The following SYT9 variants were observed in gnomAD, a reference collection of about 807,000 sequenced individuals.
The protein encoded by SYT9 is synaptotagmin 9.
Under a neutral mutation model 48.4 loss-of-function variants are expected in SYT9, and 22 were observed. That is an observed-to-expected ratio of 0.45 (90% CI 0.32 to 0.65). SYT9 has a LOEUF of 0.65. Ranked by LOEUF, SYT9 falls within the 30% of genes least tolerant of loss-of-function variation. The pLI is 0.03. For synonymous variants in SYT9, 265 were observed against 245.0 expected, an observed-to-expected ratio of 1.08 and a Z score of -0.76; for missense variants, 577 against 622.0, an observed-to-expected ratio of 0.93 and a Z score of 0.77.
At chr11:7,367,057 T>C (rs1409365353) in intron 3 of SYT9, among the ~76,000 whole-genome samples, 1 of 149,876 alleles carries the variant, frequency 6.7e-6, no homozygotes, top group Non-Finnish European at 1.5e-5. Context: ...ATTACCCTTC[T>C]TTCCAGGAGA....
At chr11:7,376,863 G>A (rs1428283492) in intron 3 of SYT9, among the ~76,000 whole-genome samples, 1 of 151,674 alleles carries the variant, frequency 6.6e-6, no homozygotes, top group Non-Finnish European at 1.5e-5. Context: ...TTTTGACACT[G>A]GTGAACTTTG....
chr11:7,453,202 G>C (rs964046313), intron 6 of SYT9, among the ~76,000 whole-genome samples: 2 of 152,108 alleles, frequency 1.3e-5, no homozygotes, highest in African/African-American at 4.8e-5. Flanking sequence ...ACCAGCCTGG[G>C]AGACATACTG....
At chr11:7,367,139 T>C (rs1480145201) in intron 3 of SYT9, among the ~76,000 whole-genome samples, 3 of 127,112 alleles carry the variant, frequency 2.4e-5, no homozygotes, top group Non-Finnish European at 4.8e-5. Flanking sequence ...TGGAGTGCAG[T>C]GGCGCAATCT....
chr11:7,329,836 T>C (rs1364456306), intron 3 of SYT9, among the ~76,000 whole-genome samples: 2 of 152,128 alleles, frequency 1.3e-5, no homozygotes, highest in African/African-American at 4.8e-5. Flanking sequence ...AAATGCACCA[T>C]CTCATTTAGT....
At chr11:7,240,922 G>T (rs1042237897) in intron 1 of SYT9, among the ~76,000 whole-genome samples, 6 of 151,770 alleles carry the variant, frequency 4.0e-5, no homozygotes, top group Non-Finnish European at 5.9e-5. Flanking sequence ...CCTCAGAAGG[G>T]GTCTAAACCA....
intron 3 of SYT9, among the ~76,000 whole-genome samples, chr11:7,357,533 G>A (rs1292905542): frequency 3.9e-5 from 6 of 152,130 alleles, no homozygotes; most frequent in Non-Finnish European, 8.8e-5. Flanking sequence ...CCTAAAGATA[G>A]CAAAGCAGTG....
intron 3 of SYT9, among the ~76,000 whole-genome samples, chr11:7,410,559 T>C (rs898004925): frequency 5.3e-5 from 8 of 152,234 alleles, no homozygotes; most frequent in African/African-American, 1.9e-4. Flanking sequence ...TGTTGTATCA[T>C]ACCTCTTGCT....
chr11:7,317,316 G>T (rs1481543855), intron 3 of SYT9, among the ~76,000 whole-genome samples: 1 of 152,044 alleles, frequency 6.6e-6, no homozygotes, highest in Admixed American at 6.6e-5. Flanking sequence ...GTCAACTTGG[G>T]CTGCCATAAC....
At chr11:7,344,100 G>A (rs1282585467) in intron 3 of SYT9, among the ~76,000 whole-genome samples, 4 of 152,106 alleles carry the variant, frequency 2.6e-5, no homozygotes, top group African/African-American at 7.2e-5. Flanking sequence ...CAGTCTTTAT[G>A]GCAGAAGAGG....
At chr11:7,244,770 T>C (rs958496198) in intron 1 of SYT9, among the ~76,000 whole-genome samples, 2 of 152,288 alleles carry the variant, frequency 1.3e-5, no homozygotes, top group East Asian at 3.9e-4. Context: ...CCACACCATT[T>C]CCCAAAGTAC....
chr11:7,374,016 G>A (rs1850409232), intron 3 of SYT9, among the ~76,000 whole-genome samples: 1 of 151,990 alleles, frequency 6.6e-6, no homozygotes. Flanking sequence ...GTGGTTTCCT[G>A]CACCCATCAA....
chr11:7,376,908 T>C (rs1478210817), intron 3 of SYT9, among the ~76,000 whole-genome samples: 1 of 151,796 alleles, frequency 6.6e-6, no homozygotes, highest in Non-Finnish European at 1.5e-5. Flanking sequence ...TCTCTGATGA[T>C]ATGTGATCAT....
chr11:7,406,656 G>GC (rs1847021963), intron 3 of SYT9, among the ~76,000 whole-genome samples: 1 of 151,322 alleles, frequency 6.6e-6, no homozygotes, highest in Non-Finnish European at 1.5e-5. Context: ...AAGTAAACAT[G>GC]CAAGTGCAGG....
At chr11:7,325,961 G>A (rs1234565427) in intron 3 of SYT9, among the ~76,000 whole-genome samples, 11 of 76,782 alleles carry the variant, frequency 1.4e-4, no homozygotes, top group East Asian at 6.3e-4. Flanking sequence ...CAGGGATGAA[G>A]CCCACTTGAT....
intron 3 of SYT9, among the ~76,000 whole-genome samples, chr11:7,394,920 T>C (rs1846718669): frequency 6.6e-6 from 1 of 152,180 alleles, no homozygotes; most frequent in Non-Finnish European, 1.5e-5. Context: ...TCTGCCCTAA[T>C]TTCAATGTTT....
At chr11:7,293,578 T>C (rs1309551397) in intron 1 of SYT9, among the ~76,000 whole-genome samples, 1 of 152,212 alleles carries the variant, frequency 6.6e-6, no homozygotes, top group Non-Finnish European at 1.5e-5. Flanking sequence ...AGTATTATAG[T>C]GGTTTTCGTC....
chr11:7,464,527 C>T (rs1848294894), intron 6 of SYT9, among the ~76,000 whole-genome samples: 1 of 152,152 alleles, frequency 6.6e-6, no homozygotes, highest in South Asian at 2.1e-4. Context: ...CATTAAAGAA[C>T]CCCACGGGGT....
chr11:7,274,280 A>G (rs1848346149), intron 1 of SYT9, among the ~76,000 whole-genome samples: 1 of 144,662 alleles, frequency 6.9e-6, no homozygotes, highest in Admixed American at 6.9e-5. Flanking sequence ...ATCAGTCATG[A>G]TTCTACACTC....
chr11:7,313,304 A>G, intron 2 of SYT9, 91 bp from the exon 3 acceptor site: 6 of 1,341,804 alleles, frequency 4.5e-6, no homozygotes, highest in East Asian at 4.9e-5. Context: ...CTGACAAAAT[A>G]TAACAGTCTA....
Sources: gnomAD v4.1 joint callset for allele counts (sites outside exome capture counted in the v4.1 genomes callset) on GRCh38, gnomAD v4.1.1 for gene constraint, MANE v1.5 for transcripts, NCBI Gene and HGNC (gene_info 2026-07-23, HGNC 2026-07-21) for gene names.